Variants in SPTBN5 observed in about 807,000 individuals in gnomAD.
SPTBN5 encodes spectrin beta chain, non-erythrocytic 5.
Under a neutral mutation model 477.6 loss-of-function variants are expected in SPTBN5, and 513 were observed. The ratio of observed to expected loss-of-function variants is 1.07; its 90% CI spans 1.00 to 1.16. The LOEUF is 1.16. SPTBN5 is among the 50% of genes most tolerant of loss of function. SPTBN5 has a pLI of 0.00. For missense variants in SPTBN5, 5,062 were observed against 4,731.8 expected (o/e 1.07, Z -2.05); for synonymous variants, 2,169 against 2,011.7 (o/e 1.08, Z -2.09).
intron 63 of SPTBN5, 115 bp downstream of exon 63, chr15:41,851,664 G>T (rs2065769160): frequency 3.9e-6 from 3 of 763,844 alleles, no homozygotes; most frequent in South Asian, 3.5e-5. Flanking sequence ...ATGGTGGGGG[G>T]TGGCATCTGC....
intron 65 of SPTBN5, 37 bp downstream of exon 65, chr15:41,851,022 C>G (rs779341225): frequency 9.4e-6 from 15 of 1,599,860 alleles, no homozygotes; most frequent in Admixed American, 6.9e-5. Context: ...CAGGTGGCTG[C>G]TGGGGGTGAT....
rs1595446781 is a variant in SPTBN5 at position 41,855,720 on chromosome 15, G to A, written c.9047C>T (p.Ala3016Val). 1 of 1,588,656 alleles carries A rather than the reference G, an allele frequency of 6.3e-7. No homozygotes were observed. Among genetic ancestry groups the A allele is most frequent in the Non-Finnish European group, 8.6e-7 (1 of 1,167,856 alleles). Residue 3016 changes from alanine to valine, a missense_variant, in exon 54 of 68, where the codon GCT (alanine) becomes GTT (valine). Ala to Val is a moderately conservative substitution (Grantham distance 64). Transcript: ENST00000320955. ...TELLEAGSWL[A>V]ERGHVLDSED... is the part of the protein sequence containing the mutation. ...GCTGTCCAGGACATGGCCCCGCTCA[G>A]CCAGCCAGGATCCCGCCTCCAGGAG...
intron 32 of SPTBN5, among the ~76,000 whole-genome samples, chr15:41,869,197 A>C (rs151124079): frequency 5.6e-4 from 86 of 152,252 alleles, no homozygotes; most frequent in Non-Finnish European, 1.6e-4. Flanking sequence ...CTCTAAGTGC[A>C]TGACAAACCC....
rs1323193292 is a variant in SPTBN5 at position 41,882,316 on chromosome 15, C to T, written c.2200G>A (p.Val734Met). The change falls in exon 11 of 68, where the codon GTG (valine) becomes ATG (methionine). Residue 734 changes from valine to methionine, a missense_variant. Physicochemically the swap from Val to Met is conservative, Grantham distance 21 (BLOSUM62 1). Transcript: ENST00000320955. ...TGCAGCCGTGCGCCCCGCCCCACCACCCGGGTCTGGAGCAGCTGCCACCCT... is the reference window on the plus strand; with the variant it reads ...TGCAGCCGTGCGCCCCGCCCCACCATCCGGGTCTGGAGCAGCTGCCACCCT... ...QGGWQLLQTR[V>M]VGRGARLQTA... The T allele has an allele frequency of 2.0e-6, 3 of 1,531,364 alleles. No individual in the cohort carries two copies. The highest frequency in any genetic ancestry group is 2.6e-6 in the Non-Finnish European group (3 of 1,144,100). 94.9% of individuals were successfully genotyped at this position (1,531,364 alleles called of 1,614,324 possible).
chr15:41,879,852 C>A lies in SPTBN5; in HGVS notation c.2824G>T (p.Ala942Ser). ...MQLKYENFLT[A>S]LAVGKGLWAE... ...CAGAGGCCCTTTCCCACAGCCAGGGCAGTGAGGAAGTTCTAGGGAAAAGGA... is the reference window on the plus strand; with the variant it reads ...CAGAGGCCCTTTCCCACAGCCAGGGAAGTGAGGAAGTTCTAGGGAAAAGGA... The change falls in exon 15 of 68, where the codon GCC (alanine) becomes TCC (serine). Residue 942 changes from alanine (A) to serine (S), a missense_variant. By Grantham distance (99) the Ala-to-Ser change is moderately conservative (BLOSUM62 1). Transcript: ENST00000320955. 1.2e-6 allele frequency: 2 copies of A among 1,613,952 alleles called. No individual in the cohort carries two copies. Among genetic ancestry groups the A allele is most frequent in the Non-Finnish European group, 1.7e-6 (2 of 1,179,888 alleles).
chr15:41,856,179 C>T (rs1413912605), intron 53 of SPTBN5, among the ~76,000 whole-genome samples: 1 of 152,220 alleles, frequency 6.6e-6, no homozygotes, highest in African/African-American at 2.4e-5. Flanking sequence ...GGTTGAGACC[C>T]ACTGATCTAG....
At chr15:41,867,168 T>G (rs1359841580) in intron 35 of SPTBN5, 42 bp from the exon 36 acceptor site, 2 of 1,498,618 alleles carry the variant, frequency 1.3e-6, no homozygotes, top group Non-Finnish European at 1.8e-6. Flanking sequence ...CACCCTGGGC[T>G]GGGGCAGGGC....
chr15:41,878,941 C>G (rs531395664), intron 16 of SPTBN5, among the ~76,000 whole-genome samples: 4 of 152,198 alleles, frequency 2.6e-5, no homozygotes, highest in Non-Finnish European at 5.9e-5. Context: ...TGGTGGGCGC[C>G]TGTAGTCCCA....
Position 41,869,965 on chromosome 15 carries a change from T to C in SPTBN5, c.5729A>G (p.Gln1910Arg). The change falls in exon 32 of 68, where the codon CAG becomes CGG. Residue 1910 changes from glutamine (Q) to arginine (R), a missense_variant. Gln to Arg is a conservative substitution (Grantham distance 43). Transcript: ENST00000320955. ...CTGCCTCTGCTGCACCGCATGGGCC[T>C]GAGGCCCCGGACACAGCTTCTGCAC... ...GRVQKLCPGP[Q>R]AHAVQQRQQA... The C allele has an allele frequency of 6.5e-7, 1 of 1,542,422 alleles. No homozygotes were observed. The highest frequency in any genetic ancestry group is 8.8e-7 in the Non-Finnish European group (1 of 1,142,450).
Position 41,861,904 on chromosome 15 carries a change from G to GT in SPTBN5, c.7567dup (p.Thr2523AsnfsTer80). On this transcript the variant is annotated frameshift_variant, in exon 45 of 68. Coordinates refer to ENST00000320955, the MANE Select transcript of SPTBN5 (RefSeq NM_016642.4). LOFTEE classifies it high-confidence loss of function. ...GCTTCGGGCCAGGCTGATGCTGTCT[G>GT]TCCAGGAGTCCAGCTCGGCCTGGAA... is the stretch of plus-strand genomic sequence containing the variant. 6.2e-7 allele frequency: 1 copy of GT among 1,604,564 alleles called. No homozygotes were observed. Among genetic ancestry groups the GT allele is most frequent in the Non-Finnish European group, 8.5e-7 (1 of 1,178,336 alleles).
chr15:41,873,966 C>T lies in SPTBN5; in HGVS notation c.4769G>A (p.Gly1590Glu). ...LSSGRSLAAS[G>E]HPQAQHIVEQ... ...CACGATGTGTTGGGCTTGGGGGTGC[C>T]CTGAGGCTGCCAGGCTCCGCCCAGA... The change falls in exon 25 of 68, where the codon GGG (glycine) becomes GAG (glutamate). Residue 1590 changes from glycine to glutamate, a missense_variant. Coordinates refer to ENST00000320955, the MANE Select transcript of SPTBN5 (RefSeq NM_016642.4). 1 of 1,607,930 alleles carries T rather than the reference C, an allele frequency of 6.2e-7. No homozygotes were observed. Among genetic ancestry groups the T allele is most frequent in the Non-Finnish European group, 8.5e-7 (1 of 1,179,836 alleles).
Position 41,857,369 on chromosome 15 carries a change from CCT to C in SPTBN5, c.8488_8489del (p.Arg2830GlyfsTer14). 1 of 1,577,834 alleles carries C rather than the reference CCT, an allele frequency of 6.3e-7. No individual in the cohort carries two copies. Among genetic ancestry groups the C allele is most frequent in the Admixed American group, 1.8e-5 (1 of 54,944 alleles). On this transcript the variant is annotated frameshift_variant, in exon 51 of 68. Transcript: ENST00000320955. LOFTEE classifies it high-confidence loss of function. ...TCTTGTCCACTGCTGCCTCCAGCTC[CCT>C]CTGTGTGCCCAGGAGCTCGCCCACC... ...PGVGELLGTQ[R>X]ELEAAVDKKA...
At chr15:41,876,072 G>A (rs746592652) in intron 21 of SPTBN5, 42 bp downstream of exon 21, 17 of 1,569,528 alleles carry the variant, frequency 1.1e-5, no homozygotes, top group Admixed American at 1.7e-5. Flanking sequence ...TTGGGAATTT[G>A]AAGACAAGGA....
chr15:41,852,191 C>T lies in SPTBN5; in HGVS notation c.10575G>A (p.Arg3525=). The change falls in exon 62 of 68, where the codon AGG becomes AGA. Residue 3525 remains arginine (R), a synonymous_variant. Transcript: ENST00000320955. ...CCATAGGGACACCTGCCTGGGGGTCCCTCGTCTCAGCCAGCTGTGCTCCTA... is the reference window on the plus strand; with the variant it reads ...CCATAGGGACACCTGCCTGGGGGTCTCTCGTCTCAGCCAGCTGTGCTCCTA... The part of the protein sequence containing the change: ...QGLGAQLAET[R]DPQDAKGTPT... The T allele has an allele frequency of 1.3e-6, 2 of 1,594,382 alleles. No homozygotes were observed. Among genetic ancestry groups the T allele is most frequent in the East Asian group, 2.2e-5 (1 of 44,464 alleles).
chr15:41,886,472 G>T, intron 6 of SPTBN5, 106 bp from the exon 7 acceptor site: 1 of 1,295,620 alleles, frequency 7.7e-7, no homozygotes, highest in Non-Finnish European at 1.0e-6. Flanking sequence ...CTACTTCTCT[G>T]AGCCAAAGAT....
chr15:41,877,460 C>T (rs1423370108), intron 17 of SPTBN5, 104 bp from the exon 18 acceptor site: 2 of 1,447,640 alleles, frequency 1.4e-6, no homozygotes, highest in Non-Finnish European at 1.8e-6. Context: ...ATGAATGAGA[C>T]ACTGAATGTG....
At chr15:41,867,975 G>T (rs2066389044) in intron 34 of SPTBN5, 94 bp downstream of exon 34, 3 of 1,437,770 alleles carry the variant, frequency 2.1e-6, no homozygotes, top group Admixed American at 2.7e-5. Flanking sequence ...TAGAGAAAAA[G>T]CCAGAGAGGC....
Position 41,882,617 on chromosome 15 carries a change from T to TGA in SPTBN5, c.2012_2013dup (p.Gln673AlafsTer25), listed in dbSNP as rs1399323624. Reference sequence around the variant, plus strand: ...TTCTGCAGGGCGCCTGCGATCTGGCTGAGATCCCGGCCCAGGGCCGCATTC... The same window carrying TGA: ...TTCTGCAGGGCGCCTGCGATCTGGCTGAGAGATCCCGGCCCAGGGCCGCATTC... On this transcript the variant is annotated frameshift_variant, in exon 10 of 68. Transcript: ENST00000320955. LOFTEE classifies it high-confidence loss of function. 4.4e-6 allele frequency: 7 copies of TGA among 1,606,242 alleles called. No individual in the cohort carries two copies. The highest frequency in any genetic ancestry group is 1.7e-5 in the Admixed American group (1 of 59,160).
intron 3 of SPTBN5, among the ~76,000 whole-genome samples, chr15:41,892,627 C>A (rs369394640): frequency 5.9e-5 from 9 of 152,238 alleles, no homozygotes; most frequent in Non-Finnish European, 1.3e-4. Flanking sequence ...TCCTGTGAGT[C>A]TCTCTTATGA....
Sources: gnomAD v4.1 joint callset for allele counts (sites outside exome capture counted in the v4.1 genomes callset) on GRCh38, gnomAD v4.1.1 for gene constraint, MANE v1.5 for transcripts, NCBI Gene and HGNC (gene_info 2026-07-23, HGNC 2026-07-21) for gene names.